The following ATRIP variants were observed in gnomAD, a reference collection of about 807,000 sequenced individuals.
ATRIP encodes the protein ATR-interacting protein.
A neutral mutation model predicts 78.1 loss-of-function variants in ATRIP; 44 were observed. The observed-to-expected ratio is 0.56, with a 90% CI of 0.44 to 0.72. The LOEUF (loss-of-function observed/expected upper bound fraction) is 0.72, where lower values mean the gene tolerates loss of function less well. ATRIP is among the 30% of genes least tolerant of loss of function. The pLI is 0.00. For missense variants in ATRIP, 927 were observed against 980.2 expected, an observed-to-expected ratio of 0.95 and a Z score of 0.72; for synonymous variants, 388 against 408.9, an observed-to-expected ratio of 0.95 and a Z score of 0.62.
intron 3 of ATRIP, among the ~76,000 whole-genome samples, chr3:48,452,216 C>T (rs1008276240): frequency 1.4e-4 from 21 of 152,174 alleles, no homozygotes; most frequent in Non-Finnish European, 2.8e-4. Flanking sequence ...TAAAAGGAAA[C>T]GTATTGGCTT....
At position 48,464,116 on chromosome 3, in the gene ATRIP, T is replaced by C. The variant is rs768633487; in HGVS notation, c.1958T>C (p.Leu653Pro). The change falls in exon 10 of 13, where the codon CTC becomes CCC. Residue 653 changes from leucine to proline, a missense_variant. Transcript: ENST00000320211. ...AGAGTGGCCTTGGAGACACAATGGC[T>C]CCAGCTGGAACAAGAGGTAAAAACT... ...PDRVALETQW[L>P]QLEQEVVWLL... 1.9e-6 allele frequency: 3 copies of C among 1,613,444 alleles called. No individual in the cohort carries two copies. In the African/African-American group the frequency reaches 4.0e-5, roughly 22 times the overall value.
At chr3:48,451,032 TACAA>T (rs1417965796) in intron 2 of ATRIP, among the ~76,000 whole-genome samples, 1 of 148,166 alleles carries the variant, frequency 6.7e-6, no homozygotes. Flanking sequence ...CTACTAAAAA[TACAA>T]AAATTAGCTA....
At position 48,465,007 on chromosome 3, in the gene ATRIP, C is replaced by T. The variant is rs757022430; in HGVS notation, c.2232C>T (p.Val744=). Residue 744 remains valine (V), a synonymous_variant, in exon 12 of 13, where the codon GTC becomes GTT. Transcript: ENST00000320211. ...TCTTCATGATGCACTGCGTGGAGGT[C>T]CTGCATCAGTTTGACCAGGTGATGC... ...DKLFMMHCVE[V]LHQFDQVMPG... The T allele has an allele frequency of 2.5e-6, 4 of 1,613,918 alleles. No homozygotes were observed. Among genetic ancestry groups the T allele is most frequent in the South Asian group, 1.1e-5 (1 of 91,094 alleles).
In ATRIP at chr3:48,467,404, C is replaced by G. The variant is rs2040376821; in HGVS notation, c.*1850C>G. Reference sequence around the variant, plus strand: ...AAGCCAAGACCATCTGCTGTCACAACCACTGCACACCTGGCCACAACCAGG... The same window carrying G: ...AAGCCAAGACCATCTGCTGTCACAAGCACTGCACACCTGGCCACAACCAGG... On this transcript the variant is annotated 3_prime_UTR_variant, in exon 13 of 13. Coordinates refer to ENST00000320211, the MANE Select transcript of ATRIP (RefSeq NM_130384.3). The G allele has an allele frequency of 9.3e-6, 15 of 1,614,214 alleles. No individual in the cohort carries two copies. In the East Asian group the frequency reaches 3.3e-4, roughly 36 times the overall value.
intron 9 of ATRIP, 61 bp downstream of exon 9, chr3:48,463,942 G>A: frequency 1.2e-6 from 2 of 1,609,502 alleles, no homozygotes; most frequent in African/African-American, 1.3e-5. Flanking sequence ...GGGTTGGGGT[G>A]GGAACAGGGT....
intron 4 of ATRIP, 36 bp downstream of exon 4, chr3:48,454,454 A>G (rs756697973): frequency 6.6e-7 from 1 of 1,510,586 alleles, no homozygotes; most frequent in East Asian, 2.3e-5. Flanking sequence ...TCAGTTTTGC[A>G]TTATTTAGTA....
Position 48,466,154 on chromosome 3 carries a change from G to A in ATRIP, c.*600G>A. On this transcript the variant is annotated 3_prime_UTR_variant, in exon 13 of 13. Transcript: ENST00000320211. Reference sequence around the variant, plus strand: ...TGGGGGGGAACGGATGGTGGTGAGAGGGACAGACCAGGCAGGCTGACGAGC... The same window carrying A: ...TGGGGGGGAACGGATGGTGGTGAGAAGGACAGACCAGGCAGGCTGACGAGC... 1 of 472,016 alleles carries A rather than the reference G, an allele frequency of 2.1e-6. No homozygotes were observed. The highest frequency in any genetic ancestry group is 3.9e-6 in the Non-Finnish European group (1 of 254,438). The allele number at this position is 472,016 out of a possible 1,614,324, so 29.2% of individuals were successfully genotyped here. A position where few individuals can be genotyped will look rare whatever the true frequency, so the allele number is the denominator to read the frequency against.
At position 48,449,459 on chromosome 3, in the gene ATRIP, C is replaced by T. The variant is rs2039777082; in HGVS notation, c.248-578C>T. Among the ~76,000 whole-genome samples, 4 of 142,516 alleles carry T rather than the reference C, an allele frequency of 2.8e-5. No homozygotes were observed. The Admixed American group carries it at 2.9e-4, about 10-fold the overall frequency. 93.5% of individuals were successfully genotyped at this position (142,516 alleles called of 152,430 possible). On this transcript the variant is annotated intron_variant, in intron 1 of 12. Coordinates refer to ENST00000320211, the MANE Select transcript of ATRIP (RefSeq NM_130384.3). ...AGAAGGATCATTTATGAGTTTGAACCATGTTCTTAGGTTGAAAAACATCTA... is the reference window on the plus strand; with the variant it reads ...AGAAGGATCATTTATGAGTTTGAACTATGTTCTTAGGTTGAAAAACATCTA...
Position 48,464,820 on chromosome 3 carries a change from C to G in ATRIP, c.2056-11C>G. On this transcript the variant is annotated splice_polypyrimidine_tract_variant and intron_variant, in intron 11 of 12. Transcript: ENST00000320211. ...GGCACCAGGCCTCAGTCTGCACCCC[C>G]CCTCTCTCAGGTGGTCAGAGCGCTC... is the stretch of plus-strand genomic sequence containing the variant. 6.2e-6 allele frequency: 10 copies of G among 1,605,092 alleles called. No homozygotes were observed. The highest frequency in any genetic ancestry group is 8.5e-6 in the Non-Finnish European group (10 of 1,173,234).
chr3:48,462,167 AT>A (rs567575791), intron 8 of ATRIP, among the ~76,000 whole-genome samples: 198 of 146,720 alleles, frequency 1.3e-3, no homozygotes, highest in Middle Eastern at 3.5e-3. Context: ...CAGCTCTACA[AT>A]TTTTTTTTTT....
At chr3:48,448,898 CT>C (rs1300675421) in intron 1 of ATRIP, among the ~76,000 whole-genome samples, 1 of 152,184 alleles carries the variant, frequency 6.6e-6, no homozygotes, top group Non-Finnish European at 1.5e-5. Context: ...TGTTGAATGT[CT>C]TTTAAGCTCT....
At position 48,465,235 on chromosome 3, in the gene ATRIP, GTTC is replaced by G. The variant is rs2040246243; in HGVS notation, c.2308+157_2308+159del. 3.5e-6 allele frequency: 4 copies of G among 1,136,702 alleles called. No individual in the cohort carries two copies. In the Admixed American group the frequency reaches 7.8e-5, roughly 22 times the overall value. 70.4% of individuals were successfully genotyped at this position (1,136,702 alleles called of 1,614,324 possible). A position where few individuals can be genotyped will look rare whatever the true frequency, so the allele number is the denominator to read the frequency against. On this transcript the variant is annotated intron_variant, in intron 12 of 12. Transcript: ENST00000320211. ...CATTTTCTTTTATCTTCCTGCCTCA[GTTC>G]TTCTCCAAGCATATTGGGATGCCTT...
At chr3:48,455,020 G>A (rs1193163922) in intron 4 of ATRIP, among the ~76,000 whole-genome samples, 4 of 151,584 alleles carry the variant, frequency 2.6e-5, no homozygotes, top group Admixed American at 2.0e-4. Flanking sequence ...ACACCACCAC[G>A]CCCAGCTAAT....
At chr3:48,464,006 G>A in intron 9 of ATRIP, 35 bp from the exon 10 acceptor site, 1 of 1,606,080 alleles carries the variant, frequency 6.2e-7, no homozygotes, top group African/African-American at 1.3e-5. Context: ...TATGAGAAAG[G>A]GCACCCTGAG....
At chr3:48,451,095 A>G (rs1002581527) in intron 2 of ATRIP, among the ~76,000 whole-genome samples, 2 of 151,976 alleles carry the variant, frequency 1.3e-5, no homozygotes, top group African/African-American at 4.8e-5. Flanking sequence ...AGGCTGAGGC[A>G]GGAGAATTGC....
intron 2 of ATRIP, chr3:48,450,429 A>G: frequency 8.9e-7 from 1 of 1,126,024 alleles, no homozygotes; most frequent in Non-Finnish European, 1.2e-6. Context: ...ACTAAGATGA[A>G]TTTATAGCAT....
chr3:48,463,915 C>T (rs778291083), intron 9 of ATRIP, 34 bp downstream of exon 9: 1 of 1,612,716 alleles, frequency 6.2e-7, no homozygotes, highest in South Asian at 1.1e-5. Flanking sequence ...CTAGACTGCT[C>T]CTGCAGATCA....
Position 48,460,207 on chromosome 3 carries a change from G to A in ATRIP, c.1153G>A (p.Gly385Arg). ...LREAQNLAFT[G>R]LNLVARNECS... is the part of the protein sequence containing the mutation. Reference sequence around the variant, plus strand: ...AGAAGCACAGAACCTGGCATTCACTGGACTGAATCTGGTTGCCCGGAATGA... The same window carrying A: ...AGAAGCACAGAACCTGGCATTCACTAGACTGAATCTGGTTGCCCGGAATGA... Residue 385 changes from glycine to arginine, a missense_variant, in exon 8 of 13, where the codon GGA becomes AGA. Physicochemically the swap from Gly to Arg is moderately radical, Grantham distance 125. Coordinates refer to ENST00000320211, the MANE Select transcript of ATRIP (RefSeq NM_130384.3). 1 of 1,614,034 alleles carries A rather than the reference G, an allele frequency of 6.2e-7. No individual in the cohort carries two copies. Among genetic ancestry groups the A allele is most frequent in the Non-Finnish European group, 8.5e-7 (1 of 1,179,924 alleles).
rs960951346 is a variant in ATRIP, at chr3:48,466,365, C to G, written c.*811C>G. 4.5e-6 allele frequency: 6 copies of G among 1,335,032 alleles called. No individual in the cohort carries two copies. Among genetic ancestry groups the G allele is most frequent in the South Asian group, 1.2e-5 (1 of 81,252 alleles). The allele number at this position is 1,335,032 out of a possible 1,614,324, so 82.7% of individuals were successfully genotyped here. A position where few individuals can be genotyped will look rare whatever the true frequency, so the allele number is the denominator to read the frequency against. On this transcript the variant is annotated 3_prime_UTR_variant, in exon 13 of 13. Transcript: ENST00000320211. ...AGGGCAGGAGGGCCATGGGTTCCCC[C>G]ACCCCAGACTAAGGGGGCACTAGGG... is the stretch of plus-strand genomic sequence containing the variant.
Sources: allele counts gnomAD v4.1 joint callset (sites outside exome capture counted in the v4.1 genomes callset), GRCh38; gene constraint gnomAD v4.1.1; transcripts MANE v1.5; gene names NCBI Gene and HGNC (gene_info 2026-07-23, HGNC 2026-07-21).